Variants in DGKK observed in about 807,000 individuals in gnomAD.
The protein encoded by DGKK is diacylglycerol kinase kappa.
In DGKK, 35 loss-of-function variants were observed where a neutral mutation model predicts 92.2. The observed-to-expected ratio is 0.38, with a 90% CI of 0.29 to 0.50. The LOEUF is 0.50. Among genes scored for constraint, DGKK ranks in the 20% least tolerant of loss-of-function variants. The probability of loss-of-function intolerance (pLI) is 0.92; values close to 1 mark genes in which losing one functional copy is unlikely to be tolerated. For missense variants in DGKK, 910 were observed against 992.2 expected (o/e 0.92, Z 1.11); for synonymous variants, 368 against 360.6 (o/e 1.02, Z -0.23).
chrX:50,462,714 A>G (rs1926777686), intron 1 of DGKK, among the ~76,000 whole-genome samples: 1 of 108,145 alleles, frequency 9.2e-6, no homozygotes, highest in Admixed American at 9.9e-5. Context: ...TCCATTAAAA[A>G]ATAGGTTTTG....
chrX:50,434,062 CT>C (rs1461840467), intron 1 of DGKK, among the ~76,000 whole-genome samples: 2 of 110,996 alleles, frequency 1.8e-5, no homozygotes, highest in Non-Finnish European at 3.8e-5. Context: ...GACGTTTATT[CT>C]CTCAGGGACA....
intron 1 of DGKK, among the ~76,000 whole-genome samples, chrX:50,464,690 G>GT (rs1926849838): frequency 9.1e-6 from 1 of 109,862 alleles, no homozygotes; most frequent in Admixed American, 9.7e-5. Context: ...AATTTTGTTT[G>GT]TTTTTTGTTT....
intron 1 of DGKK, among the ~76,000 whole-genome samples, chrX:50,469,541 GC>G (rs1242047016): frequency 2.7e-5 from 3 of 112,030 alleles, no homozygotes; most frequent in Non-Finnish European, 5.7e-5. Flanking sequence ...CAGCTGAGGC[GC>G]CCCCTCCCCA....
chrX:50,460,000 T>C (rs1926704317), intron 1 of DGKK, among the ~76,000 whole-genome samples: 1 of 112,383 alleles, frequency 8.9e-6, no homozygotes, highest in African/African-American at 3.2e-5. Flanking sequence ...AAATAATATG[T>C]TAAATGTACA....
chrX:50,459,656 T>G (rs1478567565), intron 1 of DGKK, among the ~76,000 whole-genome samples: 1 of 110,793 alleles, frequency 9.0e-6, no homozygotes, highest in Non-Finnish European at 1.9e-5. Context: ...GCAGAGGAGA[T>G]CATAACAATG....
chrX:50,376,618 G>A (rs1924279285), intron 23 of DGKK, 140 bp downstream of exon 23: 1 of 522,320 alleles, frequency 1.9e-6, no homozygotes, highest in Non-Finnish European at 2.9e-6. Flanking sequence ...TGGATTGTGA[G>A]GGTCCCGCTC....
intron 4 of DGKK, among the ~76,000 whole-genome samples, chrX:50,414,569 G>A (rs1353232631): frequency 1.8e-5 from 2 of 111,122 alleles, no homozygotes; most frequent in African/African-American, 3.3e-5. Context: ...TTATAATATT[G>A]TACATATATT....
chrX:50,417,720 T>C (rs1925471676), intron 4 of DGKK, among the ~76,000 whole-genome samples: 1 of 110,919 alleles, frequency 9.0e-6, no homozygotes, highest in Non-Finnish European at 1.9e-5. Flanking sequence ...CCATAATTAA[T>C]CATAGCCTCT....
At position 50,470,519 on chromosome X, in the gene DGKK, T is replaced by C. The variant is rs1569545350; in HGVS notation, c.160A>G (p.Ile54Val). Residue 54 changes from isoleucine to valine, a missense_variant, in exon 1 of 28, where the codon ATA becomes GTA. By Grantham distance (29) the Ile-to-Val change is conservative. Coordinates refer to ENST00000611977, the MANE Select transcript of DGKK (RefSeq NM_001013742.4). Reference protein sequence around the residue: ...PLLSEASPEPIPEPCPELAPG... With the variant: ...PLLSEASPEPVPEPCPELAPG... ...GCAAGCTCTGGACAGGGCTCTGGTA[T>C]GGGTTCTGGCGAAGCCTCGGAGAGC... 1 of 1,211,003 alleles carries C rather than the reference T, an allele frequency of 8.3e-7. No homozygotes were observed. Among genetic ancestry groups the C allele is most frequent in the African/African-American group, 1.7e-5 (1 of 57,739 alleles).
chrX:50,434,762 A>G (rs782586131), intron 1 of DGKK, among the ~76,000 whole-genome samples: 1 of 111,868 alleles, frequency 8.9e-6, no homozygotes, highest in East Asian at 2.8e-4. Flanking sequence ...CTTTGTAACA[A>G]TATGCTGGAC....
In DGKK at chrX:50,388,634, G is replaced by A. The variant is rs782246276; in HGVS notation, c.1927-16C>T. The A allele has an allele frequency of 5.3e-6, 6 of 1,138,335 alleles. No individual in the cohort carries two copies. The South Asian group carries it at 1.1e-4, about 22-fold the overall frequency. The allele number at this position is 1,138,335 out of a possible 1,213,427, so 93.8% of individuals were successfully genotyped here. A position where few individuals can be genotyped will look rare whatever the true frequency, so the allele number is the denominator to read the frequency against. ...TGGCAGCAGCCTAGGGGCAAAAGGA[G>A]TTCTTAGCCCTGGAATCTTAGTACA... On this transcript the variant is annotated splice_polypyrimidine_tract_variant and intron_variant, in intron 12 of 27. Transcript: ENST00000611977.
At chrX:50,456,320 T>A (rs1926611218) in intron 1 of DGKK, among the ~76,000 whole-genome samples, 1 of 112,068 alleles carries the variant, frequency 8.9e-6, no homozygotes, top group African/African-American at 3.2e-5. Flanking sequence ...GCTTAGCTGT[T>A]GCTTCTCAGT....
chrX:50,405,328 A>G (rs947230720), intron 4 of DGKK, among the ~76,000 whole-genome samples: 4 of 111,662 alleles, frequency 3.6e-5, no homozygotes, highest in Non-Finnish European at 7.5e-5. Context: ...GAGCACCAAA[A>G]AAACTCCAAG....
Position 50,386,446 on chromosome X carries a change from G to T in DGKK, c.2259C>A (p.Asp753Glu). 1 of 1,210,983 alleles carries T rather than the reference G, an allele frequency of 8.3e-7. No individual in the cohort carries two copies. Among genetic ancestry groups the T allele is most frequent in the Non-Finnish European group, 1.1e-6 (1 of 894,990 alleles). The change falls in exon 15 of 28, where the codon GAC becomes GAA. Residue 753 changes from aspartate (D) to glutamate (E), a missense_variant. By Grantham distance (45) the Asp-to-Glu change is conservative. Transcript: ENST00000611977. ...ADRKPFIPQI[D>E]HIAKCKLELA... ...GCTCCAACTTGCACTTGGCTATGTG[G>T]TCTATTTGAGGAATGAAGGGCTTCC... is the stretch of plus-strand genomic sequence containing the variant.
intron 4 of DGKK, among the ~76,000 whole-genome samples, chrX:50,407,500 AAGAG>A (rs782138606): frequency 1.6e-4 from 17 of 108,846 alleles, no homozygotes; most frequent in South Asian, 4.1e-4. Flanking sequence ...AGAAGAAAGA[AAGAG>A]AGAGAGAGAG....
At chrX:50,431,093 G>A (rs782417015) in intron 1 of DGKK, among the ~76,000 whole-genome samples, 6 of 110,345 alleles carry the variant, frequency 5.4e-5, no homozygotes, top group Admixed American at 9.7e-5. Flanking sequence ...GTGCAGTGGC[G>A]CAATCATGAC....
chrX:50,400,219 TCTTA>T (rs1403005824), intron 8 of DGKK, among the ~76,000 whole-genome samples: 4 of 111,573 alleles, frequency 3.6e-5, no homozygotes, highest in African/African-American at 9.8e-5. Context: ...TACCTCCATG[TCTTA>T]CTTATTCTTA....
At chrX:50,425,087 A>G (rs1209708501) in intron 1 of DGKK, among the ~76,000 whole-genome samples, 1 of 111,790 alleles carries the variant, frequency 8.9e-6, no homozygotes, top group African/African-American at 3.3e-5. Flanking sequence ...ATACAAACCA[A>G]CATGCAAGAC....
rs1196013471 is a variant in DGKK at position 50,455,532 on chromosome X, A to G, written c.645+14502T>C. On this transcript the variant is annotated intron_variant, in intron 1 of 27. Coordinates refer to ENST00000611977, the MANE Select transcript of DGKK (RefSeq NM_001013742.4). ...CCTATTAATAACTGGATAAATATTA[A>G]CCTTCATTACTAGTTTCCCTAAGCG... is the stretch of plus-strand genomic sequence containing the variant. 5.4e-5 allele frequency among the ~76,000 whole-genome samples: 6 copies of G among 111,936 alleles called. No homozygotes were observed. The East Asian group carries it at 1.7e-3, about 32-fold the overall frequency.
Sources: gnomAD v4.1 joint callset for allele counts (sites outside exome capture counted in the v4.1 genomes callset) on GRCh38, gnomAD v4.1.1 for gene constraint, MANE v1.5 for transcripts, NCBI Gene and HGNC (gene_info 2026-07-23, HGNC 2026-07-21) for gene names.